Variants in SERINC5 observed in about 807,000 individuals in gnomAD.
SERINC5 encodes serine incorporator 5.
SERINC5 carries 41 observed loss-of-function variants against 63.1 expected under a neutral mutation model. The ratio of observed to expected loss-of-function variants is 0.65; its 90% CI spans 0.51 to 0.84. The LOEUF (loss-of-function observed/expected upper bound fraction) is 0.84, where lower values mean the gene tolerates loss of function less well. Ranked by LOEUF, SERINC5 falls within the 40% of genes least tolerant of loss-of-function variation. The pLI is 0.00. For synonymous variants in SERINC5, 222 were observed against 215.2 expected, an observed-to-expected ratio of 1.03 and a Z score of -0.28; for missense variants, 523 against 573.0, an observed-to-expected ratio of 0.91 and a Z score of 0.89.
At chr5:80,223,250 G>A (rs115253195) in intron 1 of SERINC5, among the ~76,000 whole-genome samples, 3,590 of 152,208 alleles carry the variant, frequency 0.024, 68 homozygotes, top group Middle Eastern at 0.048. Flanking sequence ...AGGACCCCTC[G>A]CGTGAATATC....
At chr5:80,161,718 T>A (rs1193601425) in intron 7 of SERINC5, among the ~76,000 whole-genome samples, 1 of 152,196 alleles carries the variant, frequency 6.6e-6, no homozygotes, top group Non-Finnish European at 1.5e-5. Flanking sequence ...CATAGTTCCA[T>A]TTGTCTGGTT....
At chr5:80,232,175 C>T (rs111348345) in intron 1 of SERINC5, among the ~76,000 whole-genome samples, 1,609 of 149,396 alleles carry the variant, frequency 0.011, 34 homozygotes, top group African/African-American at 0.037. Flanking sequence ...GAGGCCAAGG[C>T]GGGCAGATCA....
chr5:80,211,394 G>C (rs995564669), intron 1 of SERINC5, among the ~76,000 whole-genome samples: 6 of 83,140 alleles, frequency 7.2e-5, no homozygotes, highest in Non-Finnish European at 1.5e-4. Context: ...GCCTGAATCA[G>C]GTTAAGTTCA....
intron 2 of SERINC5, among the ~76,000 whole-genome samples, chr5:80,178,669 C>T (rs1748215830): frequency 6.7e-6 from 1 of 149,742 alleles, no homozygotes; most frequent in Non-Finnish European, 1.5e-5. Flanking sequence ...AGGTATGAAC[C>T]ACTGCACCTG....
chr5:80,164,710 G>A (rs945025970), intron 7 of SERINC5, among the ~76,000 whole-genome samples: 3 of 151,918 alleles, frequency 2.0e-5, no homozygotes, highest in African/African-American at 7.3e-5. Context: ...CTTTTGTTCT[G>A]CTAACTTTGG....
chr5:80,120,175 TTTC>T (rs1346589663), intron 11 of SERINC5, among the ~76,000 whole-genome samples: 1 of 152,180 alleles, frequency 6.6e-6, no homozygotes, highest in Non-Finnish European at 1.5e-5. Context: ...CACCAATCCA[TTTC>T]TTCTTCTTGT....
intron 8 of SERINC5, among the ~76,000 whole-genome samples, chr5:80,156,602 C>G (rs895443287): frequency 6.6e-6 from 1 of 152,178 alleles, no homozygotes; most frequent in African/African-American, 2.4e-5. Context: ...TGTTCTCATC[C>G]CACCATACAC....
chr5:80,255,926 G>C lies in SERINC5; in HGVS notation c.-4C>G, dbSNP rs1436065159. 6.4e-7 allele frequency: 1 copy of C among 1,558,478 alleles called. No homozygotes were observed. Among genetic ancestry groups the C allele is most frequent in the African/African-American group, 1.4e-5 (1 of 70,904 alleles). On this transcript the variant is annotated 5_prime_UTR_variant, in exon 1 of 12. Transcript: ENST00000507668. The stretch of plus-strand genomic sequence containing the variant: ...CCGCACAGCACTGAGCTGACATCGC[G>C]GCGGCCAATGCCGAAGGCGCGCTCG...
intron 7 of SERINC5, among the ~76,000 whole-genome samples, chr5:80,165,609 T>C (rs1747244410): frequency 6.6e-6 from 1 of 151,674 alleles, no homozygotes; most frequent in South Asian, 2.1e-4. Flanking sequence ...CACTATGTTC[T>C]GTTGTCTCTG....
intron 2 of SERINC5, among the ~76,000 whole-genome samples, chr5:80,192,543 G>T (rs1247090932): frequency 6.6e-6 from 1 of 152,086 alleles, no homozygotes; most frequent in Non-Finnish European, 1.5e-5. Flanking sequence ...TGAGCTTCCA[G>T]CGCTCATCTC....
rs556794222 is a variant in SERINC5 at position 80,163,842 on chromosome 5, C to G, written c.859+2541G>C. Among the ~76,000 whole-genome samples, 216 of 151,648 alleles carry G rather than the reference C, an allele frequency of 1.4e-3. 1 individual carries two copies. The highest frequency in any genetic ancestry group is 5.1e-3 in the African/African-American group (211 of 41,334). On this transcript the variant is annotated intron_variant, in intron 7 of 11. Transcript: ENST00000507668. ...GGTCTGTAATTTTTTTTTGTTGTGT[C>G]CTTGTCTGGTTTTGGTTTTCAGGGT... is the stretch of plus-strand genomic sequence containing the variant.
At chr5:80,155,752 T>TA (rs1490630326) in intron 8 of SERINC5, among the ~76,000 whole-genome samples, 1 of 151,708 alleles carries the variant, frequency 6.6e-6, no homozygotes, top group Non-Finnish European at 1.5e-5. Context: ...TTTTTTTATC[T>TA]AAAAAAATAA....
chr5:80,112,977 T>C (rs959712476), intron 12 of SERINC5, among the ~76,000 whole-genome samples: 2 of 152,054 alleles, frequency 1.3e-5, no homozygotes, highest in African/African-American at 4.8e-5. Flanking sequence ...AATAGTATGA[T>C]TTTTTTAATA....
intron 1 of SERINC5, among the ~76,000 whole-genome samples, chr5:80,219,240 C>T (rs1750797300): frequency 6.6e-6 from 1 of 152,178 alleles, no homozygotes; most frequent in Non-Finnish European, 1.5e-5. Flanking sequence ...TCCTCTAGCC[C>T]ACCCCATGTT....
intron 2 of SERINC5, among the ~76,000 whole-genome samples, chr5:80,186,126 GAAAAAAAAAAAA>G (rs10554934): frequency 1.7e-3 from 106 of 61,438 alleles, no homozygotes; most frequent in South Asian, 6.3e-3. Context: ...TTCTTGTTTT[GAAAAAAAAAAAA>G]AAAAAAAAAA....
chr5:80,180,704 C>A (rs1234087761), intron 2 of SERINC5, among the ~76,000 whole-genome samples: 1 of 151,996 alleles, frequency 6.6e-6, no homozygotes, highest in South Asian at 2.1e-4. Flanking sequence ...TAACTAGTGC[C>A]CAGTAAACTC....
intron 1 of SERINC5, among the ~76,000 whole-genome samples, chr5:80,245,419 T>C (rs1752126867): frequency 6.6e-6 from 1 of 152,050 alleles, no homozygotes; most frequent in African/African-American, 2.4e-5. Flanking sequence ...TCTACTCCTT[T>C]TCCAAAAGAT....
rs1372722102 is a variant in SERINC5, at chr5:80,198,098, A to C, written c.195+4788T>G. Among the ~76,000 whole-genome samples the C allele has an allele frequency of 2.6e-5, 4 of 152,086 alleles. No individual in the cohort carries two copies. In the South Asian group the frequency reaches 8.3e-4, roughly 32 times the overall value. On this transcript the variant is annotated intron_variant, in intron 2 of 11. Transcript: ENST00000507668. Reference sequence around the variant, plus strand: ...TGTGATCCGCCCGCCTCAGCCTCCCAAAGTGCTGACATTACAGGCATGAGC... The same window carrying C: ...TGTGATCCGCCCGCCTCAGCCTCCCCAAGTGCTGACATTACAGGCATGAGC...
intron 2 of SERINC5, among the ~76,000 whole-genome samples, chr5:80,182,046 T>C (rs563283186): frequency 6.6e-6 from 1 of 152,346 alleles, no homozygotes; most frequent in Non-Finnish European, 1.5e-5. Context: ...AGTATACGAT[T>C]GTGTACGGTT....
Sources: allele counts gnomAD v4.1 joint callset (sites outside exome capture counted in the v4.1 genomes callset), GRCh38; gene constraint gnomAD v4.1.1; transcripts MANE v1.5; gene names NCBI Gene and HGNC (gene_info 2026-07-23, HGNC 2026-07-21).